Variants in MAP2K6 observed in about 807,000 individuals in gnomAD.
The protein encoded by MAP2K6 is mitogen-activated protein kinase kinase 6.
Under a neutral mutation model 53.7 loss-of-function variants are expected in MAP2K6, and 16 were observed. The observed-to-expected ratio is 0.30, with a 90% CI of 0.20 to 0.45. MAP2K6 has a LOEUF of 0.45. Ranked by LOEUF, MAP2K6 falls within the 20% of genes least tolerant of loss-of-function variation. The probability of loss-of-function intolerance (pLI) is 1.00; values close to 1 mark genes in which losing one functional copy is unlikely to be tolerated. For synonymous variants in MAP2K6, 132 were observed against 143.1 expected (o/e 0.92, Z 0.55); for missense variants, 204 against 411.9 (o/e 0.50, Z 4.37).
At chr17:69,462,376 A>G (rs1907649924) in intron 1 of MAP2K6, among the ~76,000 whole-genome samples, 1 of 152,046 alleles carries the variant, frequency 6.6e-6, no homozygotes. Context: ...ACAAGAGAAC[A>G]CAGTGTGCTA....
At chr17:69,449,512 TC>T (rs67294079) in intron 1 of MAP2K6, among the ~76,000 whole-genome samples, 20,422 of 142,794 alleles carry the variant, frequency 0.14, 2,921 homozygotes, top group African/African-American at 0.35. Flanking sequence ...TTTCTTTCTT[TC>T]TTTGTCTTTC....
chr17:69,416,819 T>C (rs1905920089), intron 1 of MAP2K6, among the ~76,000 whole-genome samples: 1 of 152,214 alleles, frequency 6.6e-6, no homozygotes, highest in African/African-American at 2.4e-5. Context: ...GGAAGGTTTA[T>C]GAAGAGGGTG....
intron 10 of MAP2K6, among the ~76,000 whole-genome samples, chr17:69,531,402 G>A (rs989527652): frequency 6.6e-6 from 1 of 152,140 alleles, no homozygotes; most frequent in Non-Finnish European, 1.5e-5. Flanking sequence ...AACTTGGCAC[G>A]ATGCCATCAC....
intron 4 of MAP2K6, among the ~76,000 whole-genome samples, 192 bp downstream of exon 4, chr17:69,517,805 T>C (rs1910246061): frequency 6.6e-6 from 1 of 152,178 alleles, no homozygotes; most frequent in Non-Finnish European, 1.5e-5. Flanking sequence ...GTATCTACTT[T>C]TTATTTGTTT....
At chr17:69,462,181 G>A (rs1441939298) in intron 1 of MAP2K6, among the ~76,000 whole-genome samples, 1 of 152,076 alleles carries the variant, frequency 6.6e-6, no homozygotes, top group African/African-American at 2.4e-5. Context: ...ATATAGCAAG[G>A]CACAACACTG....
chr17:69,502,705 G>A (rs541389739), intron 1 of MAP2K6: 7 of 985,482 alleles, frequency 7.1e-6, no homozygotes, highest in Non-Finnish European at 8.4e-6. Flanking sequence ...ATGTTGATGT[G>A]GGGGGCTGTG....
chr17:69,437,107 G>T (rs190569231), intron 1 of MAP2K6, among the ~76,000 whole-genome samples: 4 of 152,232 alleles, frequency 2.6e-5, no homozygotes, highest in Middle Eastern at 3.4e-3. Flanking sequence ...GATTACAGGC[G>T]TGAGCCACCG....
chr17:69,519,274 A>G (rs1910341945), intron 4 of MAP2K6, 39 bp from the exon 5 acceptor site: 1 of 1,596,830 alleles, frequency 6.3e-7, no homozygotes, highest in Non-Finnish European at 8.5e-7. Flanking sequence ...CCTCATCCTC[A>G]GAGTAGTAAC....
rs1910438156 is a variant in MAP2K6 at position 69,521,046 on chromosome 17, C to T, written c.484-3C>T. ...ATAAATCTATCTTGTGTTTCTCTTGCAGATTGTAAAAGCATTAGAACATTT... is the reference window on the plus strand; with the variant it reads ...ATAAATCTATCTTGTGTTTCTCTTGTAGATTGTAAAAGCATTAGAACATTT... On this transcript the variant is annotated splice_region_variant and splice_polypyrimidine_tract_variant and intron_variant, in intron 6 of 11. Transcript: ENST00000590474. 4 of 1,599,472 alleles carry T rather than the reference C, an allele frequency of 2.5e-6. No individual in the cohort carries two copies. Among genetic ancestry groups the T allele is most frequent in the East Asian group, 2.3e-5 (1 of 44,128 alleles).
rs565683076 is a variant in MAP2K6 at position 69,463,462 on chromosome 17, ATG to A, written c.17-42312_17-42311del. ...ATTATTCACTAATATACATATATGTATGTGTGTATATATATACACACATATAT... is the reference window on the plus strand; with the variant it reads ...ATTATTCACTAATATACATATATGTATGTGTATATATATACACACATATAT... On this transcript the variant is annotated intron_variant, in intron 1 of 11. Transcript: ENST00000590474. Among the ~76,000 whole-genome samples, 22 of 149,958 alleles carry A rather than the reference ATG, an allele frequency of 1.5e-4. No homozygotes were observed. In the South Asian group the frequency reaches 1.7e-3, roughly 11 times the overall value.
At chr17:69,422,716 T>G (rs1906130617) in intron 1 of MAP2K6, among the ~76,000 whole-genome samples, 1 of 152,188 alleles carries the variant, frequency 6.6e-6, no homozygotes, top group Admixed American at 6.5e-5. Context: ...AAAGTTGGTG[T>G]TATTATCCTT....
In MAP2K6 at chr17:69,457,646, CAA is replaced by C. The variant is rs1203524207; in HGVS notation, c.16+42648_16+42649del. 7.2e-5 allele frequency among the ~76,000 whole-genome samples: 11 copies of C among 152,168 alleles called. No individual in the cohort carries two copies. The East Asian group carries it at 2.1e-3, about 29-fold the overall frequency. On this transcript the variant is annotated intron_variant, in intron 1 of 11. Coordinates refer to ENST00000590474, the MANE Select transcript of MAP2K6 (RefSeq NM_002758.4). ...CTTGAGCTAAAAACAAACAAACAAA[CAA>C]ACAAAAATTAGCTGGGCACGGTGGC...
At position 69,548,656 on chromosome 17, in the gene MAP2K6, C is replaced by G. The variant is rs1911971102; in HGVS notation, c.*6903C>G. 1.3e-5 allele frequency: 2 copies of G among 152,136 alleles called. No homozygotes were observed. The highest frequency in any genetic ancestry group is 1.3e-4 in the Admixed American group (2 of 15,258). 9.4% of individuals were successfully genotyped at this position (152,136 alleles called of 1,614,324 possible). ...GGGAAATAAAACCTGAATTTCAGAG[C>G]CTTCAAAATGAAATTATCCTTCCAG... On this transcript the variant is annotated 3_prime_UTR_variant, in exon 12 of 12. Coordinates refer to ENST00000590474, the MANE Select transcript of MAP2K6 (RefSeq NM_002758.4).
chr17:69,474,337 G>A (rs1014563276), intron 1 of MAP2K6, among the ~76,000 whole-genome samples: 3 of 152,142 alleles, frequency 2.0e-5, no homozygotes, highest in African/African-American at 7.2e-5. Flanking sequence ...CTGCTTCGTG[G>A]CTTTTGTCTT....
chr17:69,415,297 G>T (rs555028269), intron 1 of MAP2K6, among the ~76,000 whole-genome samples: 2 of 152,278 alleles, frequency 1.3e-5, no homozygotes, highest in East Asian at 3.9e-4. Context: ...GTCTAAATGT[G>T]CAAGGCTTTA....
At chr17:69,520,432 A>C (rs780831097) in intron 6 of MAP2K6, 46 bp downstream of exon 6, 1 of 1,162,318 alleles carries the variant, frequency 8.6e-7, no homozygotes, top group East Asian at 2.3e-5. Context: ...TGAGAAATAA[A>C]GTCCCTATGT....
chr17:69,539,772 T>C (rs1021258014), intron 11 of MAP2K6, among the ~76,000 whole-genome samples: 2 of 152,180 alleles, frequency 1.3e-5, no homozygotes, highest in African/African-American at 4.8e-5. Context: ...ATGTCCTGTT[T>C]TGATAGTAAA....
At chr17:69,504,452 T>A (rs934413369) in intron 1 of MAP2K6, 3 of 152,204 alleles carry the variant, frequency 2.0e-5, no homozygotes, top group African/African-American at 7.2e-5. Context: ...ATTTATTGTA[T>A]TTTTAGTAGA....
chr17:69,461,071 A>G (rs1377955589), intron 1 of MAP2K6, among the ~76,000 whole-genome samples: 3 of 152,218 alleles, frequency 2.0e-5, no homozygotes, highest in Admixed American at 2.0e-4. Flanking sequence ...AAAACACTCA[A>G]TATCCCTTTC....
Sources: gnomAD v4.1 joint callset for allele counts (sites outside exome capture counted in the v4.1 genomes callset) on GRCh38, gnomAD v4.1.1 for gene constraint, MANE v1.5 for transcripts, NCBI Gene and HGNC (gene_info 2026-07-23, HGNC 2026-07-21) for gene names.